The following SPTLC3 variants were observed in gnomAD, a reference collection of about 807,000 sequenced individuals.
SPTLC3 encodes the protein serine palmitoyltransferase long chain base subunit 3.
Under a neutral mutation model 59.3 loss-of-function variants are expected in SPTLC3, and 36 were observed. That is an observed-to-expected ratio of 0.61 (90% CI 0.47 to 0.80). SPTLC3 has a LOEUF of 0.80. Among genes scored for constraint, SPTLC3 ranks in the 30% least tolerant of loss-of-function variants. SPTLC3 has a pLI of 0.00. For missense variants in SPTLC3, 625 were observed against 685.1 expected (o/e 0.91, Z 0.98); for synonymous variants, 257 against 240.8 (o/e 1.07, Z -0.62).
chr20:13,155,172 A>G (rs1231385175), intron 10 of SPTLC3, among the ~76,000 whole-genome samples: 1 of 152,016 alleles, frequency 6.6e-6, no homozygotes, highest in Non-Finnish European at 1.5e-5. Context: ...TGGGTGACAG[A>G]ATGAGACCCT....
chr20:13,104,404 C>T (rs1484333891), intron 6 of SPTLC3, among the ~76,000 whole-genome samples: 1 of 152,158 alleles, frequency 6.6e-6, no homozygotes, highest in East Asian at 1.9e-4. Flanking sequence ...TAAAGGTTTT[C>T]CCCTTTCACT....
chr20:13,120,359 T>TA (rs1600317884), intron 8 of SPTLC3, among the ~76,000 whole-genome samples: 1 of 152,080 alleles, frequency 6.6e-6, no homozygotes, highest in African/African-American at 2.4e-5. Flanking sequence ...AAATTGAACA[T>TA]AAAAAAAGTT....
chr20:13,132,457 G>T (rs193207794), intron 9 of SPTLC3, among the ~76,000 whole-genome samples: 1 of 152,074 alleles, frequency 6.6e-6, no homozygotes, highest in Non-Finnish European at 1.5e-5. Flanking sequence ...GATTACAGGC[G>T]TGAGGACCGC....
At chr20:13,109,800 G>C (rs180862268) in intron 6 of SPTLC3, among the ~76,000 whole-genome samples, 172 of 152,298 alleles carry the variant, frequency 1.1e-3, no homozygotes, top group African/African-American at 3.8e-3. Flanking sequence ...TTAGACCTAA[G>C]AGATGCATTT....
intron 1 of SPTLC3, among the ~76,000 whole-genome samples, chr20:13,021,112 G>A (rs1456152401): frequency 6.6e-6 from 1 of 152,120 alleles, no homozygotes; most frequent in Non-Finnish European, 1.5e-5. Context: ...TGCAGCATTA[G>A]TGAAAAATAA....
rs144185084 is a variant in SPTLC3, at chr20:13,009,901, G to A, written c.117+517G>A. On this transcript the variant is annotated intron_variant, in intron 1 of 11. Transcript: ENST00000399002. Reference sequence around the variant, plus strand: ...TGTTTTAGCTCACTACTTGATTTGAGGCCACAGTATTTCTTTGAAATGTGA... The same window carrying A: ...TGTTTTAGCTCACTACTTGATTTGAAGCCACAGTATTTCTTTGAAATGTGA... Among the ~76,000 whole-genome samples, 30 of 152,272 alleles carry A rather than the reference G, an allele frequency of 2.0e-4. No homozygotes were observed. The South Asian group carries it at 5.8e-3, about 29-fold the overall frequency.
chr20:13,078,522 G>T (rs890622635), intron 4 of SPTLC3, among the ~76,000 whole-genome samples: 4 of 151,856 alleles, frequency 2.6e-5, no homozygotes, highest in Non-Finnish European at 5.9e-5. Context: ...AATACTAGAA[G>T]TATTTATTTT....
At chr20:13,072,127 C>A in intron 2 of SPTLC3, 129 bp from the exon 3 acceptor site, 2 of 1,011,688 alleles carry the variant, frequency 2.0e-6, no homozygotes, top group South Asian at 1.8e-5. Flanking sequence ...CACCTACTGA[C>A]CTTTGCTCAA....
chr20:13,146,014 T>C (rs551958090), intron 9 of SPTLC3, among the ~76,000 whole-genome samples: 10 of 152,240 alleles, frequency 6.6e-5, no homozygotes, highest in African/African-American at 1.7e-4. Context: ...AGCAAAGACA[T>C]GGAATCAACC....
chr20:13,097,628 T>G (rs3910137), intron 6 of SPTLC3, among the ~76,000 whole-genome samples: 2 of 152,168 alleles, frequency 1.3e-5, no homozygotes, highest in African/African-American at 2.4e-5. Flanking sequence ...GAGGGGCAGA[T>G]GGACCCTGTG....
chr20:13,103,728 T>C (rs1263466019), intron 6 of SPTLC3, among the ~76,000 whole-genome samples: 1 of 152,088 alleles, frequency 6.6e-6, no homozygotes, highest in Non-Finnish European at 1.5e-5. Flanking sequence ...CACTGAGAAA[T>C]GGGCAGTGAG....
At chr20:13,064,903 T>G (rs1342953491) in intron 2 of SPTLC3, among the ~76,000 whole-genome samples, 6 of 152,194 alleles carry the variant, frequency 3.9e-5, no homozygotes, top group African/African-American at 1.4e-4. Context: ...CTTACCATTT[T>G]CTCTTATGGG....
At chr20:13,034,941 C>G (rs528063380) in intron 1 of SPTLC3, among the ~76,000 whole-genome samples, 1 of 152,046 alleles carries the variant, frequency 6.6e-6, no homozygotes, top group African/African-American at 2.4e-5. Flanking sequence ...GGGTATCTAT[C>G]CTGATGTTCT....
At chr20:13,012,709 T>C (rs1985319658) in intron 1 of SPTLC3, among the ~76,000 whole-genome samples, 1 of 152,182 alleles carries the variant, frequency 6.6e-6, no homozygotes, top group South Asian at 2.1e-4. Context: ...CTGTCCATTA[T>C]ACAGATGGGG....
intron 5 of SPTLC3, among the ~76,000 whole-genome samples, chr20:13,091,468 G>A (rs570029772): frequency 5.3e-5 from 8 of 152,092 alleles, no homozygotes; most frequent in African/African-American, 1.9e-4. Context: ...AGCTACTTGG[G>A]AGGCTAAGGC....
chr20:13,062,062 G>C (rs151086157), intron 2 of SPTLC3, among the ~76,000 whole-genome samples: 2 of 152,038 alleles, frequency 1.3e-5, no homozygotes, highest in Admixed American at 1.3e-4. Context: ...CTACCCACAC[G>C]TGCCTGCCTC....
intron 1 of SPTLC3, among the ~76,000 whole-genome samples, chr20:13,034,825 G>T (rs947206588): frequency 6.6e-6 from 1 of 152,222 alleles, no homozygotes; most frequent in South Asian, 2.1e-4. Flanking sequence ...ATGGTTGGAT[G>T]TTAGAGCTAG....
chr20:13,102,031 A>C (rs1321758232), intron 6 of SPTLC3, among the ~76,000 whole-genome samples: 1 of 152,186 alleles, frequency 6.6e-6, no homozygotes, highest in African/African-American at 2.4e-5. Context: ...AAAAGTGGAA[A>C]GGAAGAACCA....
chr20:13,023,175 T>C (rs988452306), intron 1 of SPTLC3, among the ~76,000 whole-genome samples: 2 of 152,066 alleles, frequency 1.3e-5, no homozygotes, highest in Non-Finnish European at 2.9e-5. Context: ...CAGGCTCACA[T>C]GCTTTCTAAA....
Sources: allele counts gnomAD v4.1 joint callset (sites outside exome capture counted in the v4.1 genomes callset), GRCh38; gene constraint gnomAD v4.1.1; transcripts MANE v1.5; gene names NCBI Gene and HGNC (gene_info 2026-07-23, HGNC 2026-07-21).